The following ABCD3 variants were observed in gnomAD, a reference collection of about 807,000 sequenced individuals.
ABCD3 encodes ATP-binding cassette sub-family D member 3.
A neutral mutation model predicts 105.5 loss-of-function variants in ABCD3; 41 were observed. That is an observed-to-expected ratio of 0.39 (90% CI 0.30 to 0.50). ABCD3 has a LOEUF of 0.50. ABCD3 is among the 20% of genes least tolerant of loss of function. The pLI, the probability that ABCD3 is intolerant of heterozygous loss-of-function variation, is 0.84. For synonymous variants in ABCD3, 258 were observed against 269.0 expected, an observed-to-expected ratio of 0.96 and a Z score of 0.40; for missense variants, 622 against 806.3, an observed-to-expected ratio of 0.77 and a Z score of 2.77.
chr1:94,386,853 T>C, the ABCD3 span, among the ~76,000 whole-genome samples: 21 of 152,020 alleles, frequency 1.4e-4, no homozygotes, highest in African/African-American at 5.1e-4. Context: ...AGACTCCATC[T>C]CAAAAGAAAA....
intron 2 of ABCD3, among the ~76,000 whole-genome samples, chr1:94,464,430 A>G (rs1251184087): frequency 1.3e-5 from 2 of 151,802 alleles, no homozygotes; most frequent in East Asian, 3.9e-4. Flanking sequence ...CTGTGATGGT[A>G]CCTTCCTCAC....
At chr1:94,402,832 T>C in the ABCD3 span, among the ~76,000 whole-genome samples, 1 of 152,126 alleles carries the variant, frequency 6.6e-6, no homozygotes, top group East Asian at 1.9e-4. Context: ...CTTTAAGTTT[T>C]AGGGTACATG....
chr1:94,498,968 A>T lies in ABCD3; in HGVS notation c.1554A>T (p.Thr518=). ...VPQRPYMTLG[T]LRDQVIYPDG... is the part of the protein sequence containing the mutation. Reference sequence around the variant, plus strand: ...AGAGACCTTACATGACCCTTGGAACACTTCGAGATCAAGTGATATATCCAG... The same window carrying T: ...AGAGACCTTACATGACCCTTGGAACTCTTCGAGATCAAGTGATATATCCAG... Residue 518 remains threonine (T), a synonymous_variant, in exon 19 of 23, where the codon ACA becomes ACT. Coordinates refer to ENST00000370214, the MANE Select transcript of ABCD3 (RefSeq NM_002858.4). The T allele has an allele frequency of 1.2e-6, 2 of 1,614,060 alleles. No individual in the cohort carries two copies. The highest frequency in any genetic ancestry group is 1.7e-6 in the Non-Finnish European group (2 of 1,179,958).
intron 20 of ABCD3, among the ~76,000 whole-genome samples, chr1:94,505,137 G>T (rs1028315112): frequency 1.3e-5 from 2 of 152,252 alleles, no homozygotes; most frequent in South Asian, 4.1e-4. Context: ...TGAGAGTCCT[G>T]TGAGATACCC....
intron 1 of ABCD3, among the ~76,000 whole-genome samples, chr1:94,456,620 T>A (rs1009865104): frequency 1.3e-5 from 2 of 151,762 alleles, no homozygotes; most frequent in African/African-American, 4.8e-5. Context: ...TGTATTTATA[T>A]ACCACATATT....
At chr1:94,386,507 C>T in the ABCD3 span, among the ~76,000 whole-genome samples, 5 of 152,132 alleles carry the variant, frequency 3.3e-5, no homozygotes, top group African/African-American at 1.2e-4. Flanking sequence ...AGGCAGTTTG[C>T]AGAAATGCAA....
At chr1:94,448,847 G>T (rs1660459373) in intron 1 of ABCD3, among the ~76,000 whole-genome samples, 1 of 152,208 alleles carries the variant, frequency 6.6e-6, no homozygotes, top group Admixed American at 6.5e-5. Flanking sequence ...TGGAAAAAAT[G>T]AATCTGTCCC....
chr1:94,455,357 C>G (rs1347441658), intron 1 of ABCD3, among the ~76,000 whole-genome samples: 1 of 145,698 alleles, frequency 6.9e-6, no homozygotes, highest in East Asian at 2.0e-4. Flanking sequence ...CCGAGTTTTG[C>G]TCTTATTGCC....
In ABCD3 at chr1:94,517,227, T is replaced by TA; in HGVS notation, c.*98_*99insA. ...AAAATAAAGTTGAGCTTAGTTTTTT[T>TA]TAAAAAAAAAAACAAAGCAACAAAT... On this transcript the variant is annotated 3_prime_UTR_variant, in exon 23 of 23. Transcript: ENST00000370214. The TA allele has an allele frequency of 6.2e-5, 59 of 947,214 alleles. No individual in the cohort carries two copies. The highest frequency in any genetic ancestry group is 8.2e-5 in the Admixed American group (4 of 49,042). The allele number at this position is 947,214 out of a possible 1,614,324, so 58.7% of individuals were successfully genotyped here.
At chr1:94,411,160 T>C in the ABCD3 span, among the ~76,000 whole-genome samples, 1 of 152,134 alleles carries the variant, frequency 6.6e-6, no homozygotes, top group African/African-American at 2.4e-5. Flanking sequence ...AACCTTTTTG[T>C]ATTAAAGGAC....
At chr1:94,515,548 T>C (rs975057678) in intron 22 of ABCD3, among the ~76,000 whole-genome samples, 36 of 151,984 alleles carry the variant, frequency 2.4e-4, no homozygotes, top group African/African-American at 8.4e-4. Context: ...TGGCAAAAAA[T>C]TTAGGGACAT....
At chr1:94,407,525 A>G in the ABCD3 span, among the ~76,000 whole-genome samples, 1 of 152,166 alleles carries the variant, frequency 6.6e-6, no homozygotes, top group African/African-American at 2.4e-5. Context: ...ATTTCTTGTA[A>G]GTTTATTCCT....
chr1:94,458,123 G>T (rs541067543), intron 1 of ABCD3, among the ~76,000 whole-genome samples: 1 of 152,156 alleles, frequency 6.6e-6, no homozygotes, highest in South Asian at 2.1e-4. Context: ...TTCCTCATTT[G>T]TAATATGGGA....
chr1:94,434,220 C>T (rs1483980440), intron 1 of ABCD3, among the ~76,000 whole-genome samples: 2 of 152,178 alleles, frequency 1.3e-5, no homozygotes, highest in East Asian at 3.9e-4. Flanking sequence ...TCTTCCACTT[C>T]TATATCTTGT....
intron 16 of ABCD3, among the ~76,000 whole-genome samples, chr1:94,494,953 C>G (rs528566676): frequency 6.6e-6 from 1 of 152,098 alleles, no homozygotes; most frequent in Admixed American, 6.6e-5. Flanking sequence ...TGGTGGTGCA[C>G]ACCTTTGGTC....
chr1:94,479,227 A>G (rs1023133641), intron 8 of ABCD3, among the ~76,000 whole-genome samples: 2 of 152,112 alleles, frequency 1.3e-5, no homozygotes, highest in Non-Finnish European at 1.5e-5. Context: ...TTGTTTTACT[A>G]TAACCAAGTG....
At chr1:94,511,872 T>A (rs2101067047) in intron 21 of ABCD3, among the ~76,000 whole-genome samples, 1 of 152,168 alleles carries the variant, frequency 6.6e-6, no homozygotes, top group East Asian at 1.9e-4. Flanking sequence ...CCTGTATTGG[T>A]TATTCTAGTT....
At chr1:94,405,701 A>G in the ABCD3 span, among the ~76,000 whole-genome samples, 1 of 152,206 alleles carries the variant, frequency 6.6e-6, no homozygotes, top group Non-Finnish European at 1.5e-5. Flanking sequence ...AACATCTTCC[A>G]ACGTGTTTAA....
chr1:94,501,939 A>C (rs1243674582), intron 20 of ABCD3, among the ~76,000 whole-genome samples: 1 of 151,830 alleles, frequency 6.6e-6, no homozygotes, highest in African/African-American at 2.4e-5. Context: ...GATCTCTAGA[A>C]TATTAATCCT....
Sources: gnomAD v4.1 joint callset for allele counts (sites outside exome capture counted in the v4.1 genomes callset) on GRCh38, gnomAD v4.1.1 for gene constraint, MANE v1.5 for transcripts, NCBI Gene and HGNC (gene_info 2026-07-23, HGNC 2026-07-21) for gene names.